MAP4K3: variants seen among roughly 807,000 people sequenced by gnomAD.
The protein encoded by MAP4K3 is mitogen-activated protein kinase kinase kinase kinase 3.
A neutral mutation model predicts 143.5 loss-of-function variants in MAP4K3; 94 were observed. That is an observed-to-expected ratio of 0.65 (90% CI 0.55 to 0.78). The LOEUF (loss-of-function observed/expected upper bound fraction) is 0.78, where lower values mean the gene tolerates loss of function less well. MAP4K3 is among the 30% of genes least tolerant of loss of function. The pLI is 0.00. For synonymous variants in MAP4K3, 416 were observed against 347.2 expected (o/e 1.20, Z -2.20); for missense variants, 1,077 against 1,068.1 (o/e 1.01, Z -0.12).
At chr2:39,435,343 T>C (rs1251527763) in intron 1 of MAP4K3, among the ~76,000 whole-genome samples, 1 of 152,192 alleles carries the variant, frequency 6.6e-6, no homozygotes, top group African/African-American at 2.4e-5. Flanking sequence ...GATCTCCTAA[T>C]GAGAACTAAG....
At chr2:39,385,000 A>T (rs1489598712) in intron 1 of MAP4K3, among the ~76,000 whole-genome samples, 1 of 152,194 alleles carries the variant, frequency 6.6e-6, no homozygotes, top group Non-Finnish European at 1.5e-5. Context: ...TTCATTATAT[A>T]ACATCTTTAG....
chr2:39,278,362 G>A, intron 24 of MAP4K3, 45 bp downstream of exon 24: 3 of 1,159,632 alleles, frequency 2.6e-6, no homozygotes, highest in Non-Finnish European at 3.7e-6. Flanking sequence ...TGTACTTATG[G>A]TAACTTAAAA....
At chr2:39,394,796 G>A (rs1469596546) in intron 1 of MAP4K3, among the ~76,000 whole-genome samples, 1 of 152,068 alleles carries the variant, frequency 6.6e-6, no homozygotes, top group African/African-American at 2.4e-5. Context: ...ACAGAAAAAC[G>A]CCTGGCAGCA....
chr2:39,287,020 G>T, intron 20 of MAP4K3, 56 bp from the exon 21 acceptor site: 1 of 1,120,588 alleles, frequency 8.9e-7, no homozygotes, highest in Admixed American at 2.1e-5. Flanking sequence ...CTTTTATTCA[G>T]AAAGTTATCA....
intron 2 of MAP4K3, among the ~76,000 whole-genome samples, chr2:39,356,912 T>C (rs1233961594): frequency 6.6e-6 from 1 of 152,202 alleles, no homozygotes; most frequent in Admixed American, 6.5e-5. Context: ...GCAGGAACCC[T>C]TATACACCAA....
intron 3 of MAP4K3, among the ~76,000 whole-genome samples, chr2:39,353,226 G>A (rs1665508659): frequency 1.3e-5 from 2 of 152,236 alleles, no homozygotes; most frequent in South Asian, 4.1e-4. Context: ...ACATCTCTTA[G>A]CCCCTTACAG....
chr2:39,433,905 AAAG>A (rs1665370634), intron 1 of MAP4K3, among the ~76,000 whole-genome samples: 1 of 152,236 alleles, frequency 6.6e-6, no homozygotes, highest in African/African-American at 2.4e-5. Context: ...GTCAATACCA[AAAG>A]AAGAAGGGCA....
At chr2:39,281,150 G>C (rs1681508826) in intron 22 of MAP4K3, among the ~76,000 whole-genome samples, 1 of 152,052 alleles carries the variant, frequency 6.6e-6, no homozygotes, top group Non-Finnish European at 1.5e-5. Context: ...AAATATTTTT[G>C]GTCAGAGAAA....
rs755106660 is a variant in MAP4K3, at chr2:39,258,535, G to A, written c.2361C>T (p.Ile787=). 3 of 1,613,452 alleles carry A rather than the reference G, an allele frequency of 1.9e-6. No homozygotes were observed. The highest frequency in any genetic ancestry group is 2.5e-6 in the Non-Finnish European group (3 of 1,179,410). Residue 787 remains isoleucine, a synonymous_variant, in exon 30 of 34, where the codon ATC becomes ATT. Transcript: ENST00000263881. ...THVTQLERDT[I]LVCLDCCIKI... ...AAAACTTACAGTCCAAGCATACAAG[G>A]ATGGTATCTCTCTCCAGTTGGGTTA...
intron 11 of MAP4K3, 21 bp from the exon 12 acceptor site, chr2:39,325,649 G>A (rs776503116): frequency 8.9e-6 from 14 of 1,579,834 alleles, no homozygotes; most frequent in African/African-American, 1.3e-5. Flanking sequence ...TAAATACAAT[G>A]CAGAACACTT....
intron 12 of MAP4K3, among the ~76,000 whole-genome samples, chr2:39,318,789 T>C (rs540665497): frequency 2.2e-4 from 33 of 152,334 alleles, no homozygotes; most frequent in Non-Finnish European, 4.0e-4. Context: ...CTTAAAGTTC[T>C]ATGATTATTG....
At chr2:39,288,825 A>G (rs3770668) in intron 19 of MAP4K3, among the ~76,000 whole-genome samples, 111,111 of 152,072 alleles carry the variant, frequency 0.73, 44,988 homozygotes, top group Non-Finnish European at 0.9. Flanking sequence ...GGCTGAGGCG[A>G]GCGGATCACG....
rs545301772 is a variant in MAP4K3 at position 39,310,561 on chromosome 2, A to T, written c.998-1042T>A. ...AATGCTGCAATAAACTTGGGAGTGTAGATATCTCTTAGATATACTGGTATC... is the reference window on the plus strand; with the variant it reads ...AATGCTGCAATAAACTTGGGAGTGTTGATATCTCTTAGATATACTGGTATC... On this transcript the variant is annotated intron_variant, in intron 13 of 33. Transcript: ENST00000263881. 3.9e-5 allele frequency among the ~76,000 whole-genome samples: 6 copies of T among 152,332 alleles called. No individual in the cohort carries two copies. In the South Asian group the frequency reaches 1.2e-3, roughly 32 times the overall value.
At chr2:39,272,187 A>G (rs941183393) in intron 26 of MAP4K3, 96 bp downstream of exon 26, 12 of 902,800 alleles carry the variant, frequency 1.3e-5, no homozygotes, top group Non-Finnish European at 1.9e-5. Flanking sequence ...CATGATTTTT[A>G]TTAACCCAAA....
At chr2:39,252,644 A>C (rs992544580) in intron 32 of MAP4K3, among the ~76,000 whole-genome samples, 8 of 152,234 alleles carry the variant, frequency 5.3e-5, no homozygotes, top group Admixed American at 4.6e-4. Context: ...CTGAACACAA[A>C]ATATTATGAA....
intron 1 of MAP4K3, among the ~76,000 whole-genome samples, chr2:39,388,607 G>A (rs982505434): frequency 8.5e-5 from 13 of 152,090 alleles, no homozygotes; most frequent in Admixed American, 2.6e-4. Context: ...GAGTCACACC[G>A]CACAGGTAGG....
chr2:39,358,919 C>A (rs149741321), intron 2 of MAP4K3, among the ~76,000 whole-genome samples: 3 of 152,146 alleles, frequency 2.0e-5, no homozygotes, highest in Non-Finnish European at 4.4e-5. Flanking sequence ...CGTGGTGACA[C>A]AACCAAACTA....
Position 39,288,198 on chromosome 2 carries a change from C to T in MAP4K3, c.1397G>A (p.Gly466Glu). 6.2e-7 allele frequency: 1 copy of T among 1,614,010 alleles called. No homozygotes were observed. The highest frequency in any genetic ancestry group is 8.5e-7 in the Non-Finnish European group (1 of 1,179,974). Reference sequence around the variant, plus strand: ...AACTTGGGATGGCTTTGCTGGGCTCCCTGACATGGGACATCTCTTGATTGT... The same window carrying T: ...AACTTGGGATGGCTTTGCTGGGCTCTCTGACATGGGACATCTCTTGATTGT... ...QGTIKRCPMS[G>E]SPAKPSQVPP... The change falls in exon 20 of 34, where the codon GGG becomes GAG. Residue 466 changes from glycine (G) to glutamate (E), a missense_variant. Physicochemically the swap from Gly to Glu is moderately conservative, Grantham distance 98 (BLOSUM62 -2). Around this residue, in one of 2 missense-constraint regions of MAP4K3, gnomAD observed 864 missense variants for 801.2 expected, o/e 1.08. Coordinates refer to ENST00000263881, the MANE Select transcript of MAP4K3 (RefSeq NM_003618.4).
intron 3 of MAP4K3, among the ~76,000 whole-genome samples, chr2:39,344,244 T>C (rs889283582): frequency 2.6e-5 from 4 of 152,164 alleles, no homozygotes; most frequent in African/African-American, 9.7e-5. Flanking sequence ...ACTGAAAGAA[T>C]AAACATATCG....
Sources: allele counts gnomAD v4.1 joint callset (sites outside exome capture counted in the v4.1 genomes callset), GRCh38; gene constraint gnomAD v4.1.1; regional missense constraint gnomAD v4.1.1; transcripts MANE v1.5; gene names NCBI Gene and HGNC (gene_info 2026-07-23, HGNC 2026-07-21).